Variants in BTBD9 observed in about 807,000 individuals in gnomAD.
BTBD9 encodes the protein BTB domain containing 9.
Under a neutral mutation model 64.3 loss-of-function variants are expected in BTBD9, and 49 were observed. That is an observed-to-expected ratio of 0.76 (90% CI 0.61 to 0.97). The LOEUF is 0.97. BTBD9 is among the 50% of genes least tolerant of loss of function. The pLI, the probability that BTBD9 is intolerant of heterozygous loss-of-function variation, is 0.00. For synonymous variants in BTBD9, 260 were observed against 274.7 expected, an observed-to-expected ratio of 0.95 and a Z score of 0.53; for missense variants, 598 against 762.1, an observed-to-expected ratio of 0.78 and a Z score of 2.53.
intron 6 of BTBD9, among the ~76,000 whole-genome samples, chr6:38,409,374 T>C (rs1349860755): frequency 6.6e-6 from 1 of 152,252 alleles, no homozygotes; most frequent in Non-Finnish European, 1.5e-5. Flanking sequence ...TAATAAGTGT[T>C]CATTAGTTTT....
intron 6 of BTBD9, among the ~76,000 whole-genome samples, chr6:38,484,026 C>A (rs1455981927): frequency 6.6e-6 from 1 of 152,216 alleles, no homozygotes; most frequent in Non-Finnish European, 1.5e-5. Context: ...TCGTTTACTG[C>A]TATATGTCTA....
At chr6:38,434,818 A>G (rs1221873373) in intron 6 of BTBD9, among the ~76,000 whole-genome samples, 2 of 151,944 alleles carry the variant, frequency 1.3e-5, no homozygotes, top group Non-Finnish European at 2.9e-5. Context: ...TATGTATACT[A>G]CAGTCCCGCA....
chr6:38,454,434 C>G (rs1345071701), intron 6 of BTBD9, among the ~76,000 whole-genome samples: 7 of 150,698 alleles, frequency 4.6e-5, no homozygotes, highest in Non-Finnish European at 1.0e-4. Context: ...AGCATCATTA[C>G]CATAATTAAA....
chr6:38,331,315 T>C (rs1582243020), intron 7 of BTBD9, among the ~76,000 whole-genome samples: 1 of 152,054 alleles, frequency 6.6e-6, no homozygotes. Flanking sequence ...CCTATCTCTA[T>C]TAAAATTACA....
At chr6:38,313,562 C>G (rs11753688) in intron 7 of BTBD9, among the ~76,000 whole-genome samples, 75 of 152,062 alleles carry the variant, frequency 4.9e-4, no homozygotes, top group Admixed American at 1.4e-3. Flanking sequence ...CCTTCTATAC[C>G]CAGTTTCTTG....
intron 6 of BTBD9, among the ~76,000 whole-genome samples, chr6:38,466,283 CTTTTTTTTTTTT>C (rs67769669): frequency 2.3e-5 from 1 of 44,068 alleles, no homozygotes; most frequent in Non-Finnish European, 3.9e-5. Flanking sequence ...CTTCCTTTTC[CTTTTTTTTTTTT>C]TTTTTTTTTT....
chr6:38,256,833 T>C (rs974504628), intron 8 of BTBD9, among the ~76,000 whole-genome samples: 4 of 152,238 alleles, frequency 2.6e-5, no homozygotes, highest in African/African-American at 7.2e-5. Flanking sequence ...TCCTCTCCAG[T>C]TGGCTCGGCT....
chr6:38,401,554 CATT>C (rs1337377369), intron 6 of BTBD9, among the ~76,000 whole-genome samples: 3 of 152,164 alleles, frequency 2.0e-5, no homozygotes, highest in African/African-American at 7.2e-5. Context: ...GGAACAGAAT[CATT>C]GTTGTATAAA....
chr6:38,408,323 A>T (rs1767260448), intron 6 of BTBD9, among the ~76,000 whole-genome samples: 1 of 151,864 alleles, frequency 6.6e-6, no homozygotes, highest in Non-Finnish European at 1.5e-5. Context: ...GTGACACTGC[A>T]CTCCAGCAAC....
intron 6 of BTBD9, among the ~76,000 whole-genome samples, chr6:38,502,937 G>A (rs2127402117): frequency 6.6e-6 from 1 of 152,302 alleles, no homozygotes; most frequent in South Asian, 2.1e-4. Context: ...GTAAATCACT[G>A]TAACGCAATG....
Position 38,365,404 on chromosome 6 carries a change from G to A in BTBD9, c.1155-20311C>T, listed in dbSNP as rs75951196. Among the ~76,000 whole-genome samples, 920 of 152,208 alleles carry A rather than the reference G, an allele frequency of 6.0e-3. 12 individuals are homozygous for A. The highest frequency in any genetic ancestry group is 0.018 in the African/African-American group (759 of 41,512). ...AACCGGAGGAAAAAAATCTGACATT[G>A]CTGGTACCATCCATACCAGCAAGAG... On this transcript the variant is annotated intron_variant, in intron 6 of 10. Transcript: ENST00000481247.
rs200640980 is a variant in BTBD9 at position 38,620,741 on chromosome 6, C to T, written c.-28+19059G>A. 2.2e-3 allele frequency among the ~76,000 whole-genome samples: 337 copies of T among 152,264 alleles called. 6 individuals carry two copies. The East Asian group carries it at 0.037, about 17-fold the overall frequency. ...AATACAGCCTATACTGGCTTGTCCT[C>T]GCCCTAAGACATTAAAACAGTTGCG... is the stretch of plus-strand genomic sequence containing the variant. On this transcript the variant is annotated intron_variant, in intron 1 of 10. Coordinates refer to ENST00000481247, the MANE Select transcript of BTBD9 (RefSeq NM_001099272.2).
intron 6 of BTBD9, among the ~76,000 whole-genome samples, chr6:38,459,068 G>A (rs986850634): frequency 2.0e-5 from 3 of 152,074 alleles, no homozygotes; most frequent in Non-Finnish European, 2.9e-5. Context: ...GCCCAGGCTG[G>A]AGTGCAATGG....
intron 4 of BTBD9, among the ~76,000 whole-genome samples, chr6:38,584,304 G>C (rs1445593773): frequency 6.6e-6 from 1 of 152,190 alleles, no homozygotes; most frequent in African/African-American, 2.4e-5. Flanking sequence ...CTCCAGCCTG[G>C]ATGACAGAGC....
At chr6:38,233,909 T>C (rs1185127380) in intron 9 of BTBD9, among the ~76,000 whole-genome samples, 5 of 152,252 alleles carry the variant, frequency 3.3e-5, no homozygotes. Flanking sequence ...AACATCTGCC[T>C]TCTAAAAAAG....
intron 6 of BTBD9, among the ~76,000 whole-genome samples, chr6:38,498,457 TAA>T (rs11393821): frequency 2.3e-5 from 3 of 132,654 alleles, no homozygotes; most frequent in Admixed American, 7.6e-5. Context: ...TATCTAGTAC[TAA>T]AAAAAAAAAA....
chr6:38,444,940 T>C (rs1717129750), intron 6 of BTBD9, among the ~76,000 whole-genome samples: 2 of 152,222 alleles, frequency 1.3e-5, no homozygotes, highest in Admixed American at 6.5e-5. Context: ...TCCAGTTCTC[T>C]TCCTTCTGGA....
chr6:38,598,620 A>T (rs1247423979), intron 1 of BTBD9, among the ~76,000 whole-genome samples: 2 of 152,072 alleles, frequency 1.3e-5, no homozygotes, highest in African/African-American at 4.8e-5. Context: ...TATTTCATTT[A>T]AAAAAAATCT....
intron 4 of BTBD9, among the ~76,000 whole-genome samples, chr6:38,589,829 T>C (rs967289042): frequency 3.9e-5 from 6 of 152,302 alleles, no homozygotes; most frequent in Middle Eastern, 3.4e-3. Flanking sequence ...ATTGGATCCA[T>C]AGGAAAGCTC....
Sources: allele counts gnomAD v4.1 joint callset (sites outside exome capture counted in the v4.1 genomes callset), GRCh38; gene constraint gnomAD v4.1.1; transcripts MANE v1.5; gene names NCBI Gene and HGNC (gene_info 2026-07-23, HGNC 2026-07-21).